Variants in TENM2 observed in about 807,000 individuals in gnomAD.
TENM2 encodes teneurin-2.
A neutral mutation model predicts 245.2 loss-of-function variants in TENM2; 52 were observed. The observed-to-expected ratio is 0.21, with a 90% CI of 0.17 to 0.27. The LOEUF is 0.27. Ranked by LOEUF, TENM2 falls within the 10% of genes least tolerant of loss-of-function variation. TENM2 has a pLI of 1.00. For synonymous variants in TENM2, 1,363 were observed against 1,438.9 expected (o/e 0.95, Z 1.19); for missense variants, 3,046 against 3,666.8 (o/e 0.83, Z 4.37).
At chr5:167,801,638 A>G (rs1410549783) in intron 2 of TENM2, among the ~76,000 whole-genome samples, 1 of 152,134 alleles carries the variant, frequency 6.6e-6, no homozygotes, top group Non-Finnish European at 1.5e-5. Context: ...CAAGGAAGCA[A>G]GAGTGAAGGA....
chr5:167,660,777 A>C (rs1384118063), intron 2 of TENM2, among the ~76,000 whole-genome samples: 1 of 152,132 alleles, frequency 6.6e-6, no homozygotes. Flanking sequence ...AGGAAAGTAC[A>C]TTCTCCTGTC....
chr5:168,021,395 C>T (rs1265263695), intron 5 of TENM2, among the ~76,000 whole-genome samples: 3 of 152,214 alleles, frequency 2.0e-5, no homozygotes, highest in Non-Finnish European at 4.4e-5. Context: ...TGGAGTGACC[C>T]ATGGTGGCTG....
chr5:168,251,509 G>A (rs959798476), intron 27 of TENM2, among the ~76,000 whole-genome samples: 16 of 152,302 alleles, frequency 1.1e-4, no homozygotes, highest in African/African-American at 3.6e-4. Context: ...AGCCAAGGGA[G>A]AGAAGGAGCC....
At chr5:167,754,923 G>A (rs532346544) in intron 2 of TENM2, 15 of 1,228,176 alleles carry the variant, frequency 1.2e-5, no homozygotes, top group Non-Finnish European at 1.6e-5. Flanking sequence ...GGAGAGAGCA[G>A]ATATTGCCTA....
At chr5:167,539,008 A>G (rs752477770) in intron 2 of TENM2, among the ~76,000 whole-genome samples, 3 of 152,268 alleles carry the variant, frequency 2.0e-5, no homozygotes, top group East Asian at 1.9e-4. Flanking sequence ...CGATAATCTC[A>G]TCGTCATTAT....
intron 3 of TENM2, among the ~76,000 whole-genome samples, chr5:167,889,357 C>T (rs940106847): frequency 7.9e-5 from 12 of 152,160 alleles, no homozygotes; most frequent in Admixed American, 1.3e-4. Flanking sequence ...TGCCAGCTCC[C>T]CGAATAATTC....
chr5:168,111,364 G>C (rs1169916374), intron 9 of TENM2, among the ~76,000 whole-genome samples: 2 of 152,046 alleles, frequency 1.3e-5, no homozygotes, highest in African/African-American at 4.8e-5. Flanking sequence ...CTCTTCACGG[G>C]GGTCCTGCCG....
chr5:167,248,690 C>T, the TENM2 span, among the ~76,000 whole-genome samples: 1 of 151,934 alleles, frequency 6.6e-6, no homozygotes, highest in Non-Finnish European at 1.5e-5. Flanking sequence ...CATTGGCGGA[C>T]TTAGCTGAAC....
At chr5:168,092,090 G>T (rs17069821) in intron 8 of TENM2, among the ~76,000 whole-genome samples, 1 of 151,938 alleles carries the variant, frequency 6.6e-6, no homozygotes, top group Non-Finnish European at 1.5e-5. Flanking sequence ...CTTTTCTATT[G>T]GTCCCATGGA....
chr5:167,525,692 A>G (rs1417848949), intron 2 of TENM2, among the ~76,000 whole-genome samples: 2 of 152,138 alleles, frequency 1.3e-5, no homozygotes, highest in African/African-American at 2.4e-5. Context: ...CTCACCAGGT[A>G]TCCATTTTTA....
At chr5:168,051,660 G>T (rs905039824) in intron 6 of TENM2, among the ~76,000 whole-genome samples, 1 of 152,114 alleles carries the variant, frequency 6.6e-6, no homozygotes, top group Admixed American at 6.5e-5. Flanking sequence ...CTATAATATA[G>T]GATTTTGGAG....
chr5:167,970,080 C>T (rs1781663826), intron 4 of TENM2, among the ~76,000 whole-genome samples: 1 of 152,222 alleles, frequency 6.6e-6, no homozygotes, highest in African/African-American at 2.4e-5. Flanking sequence ...ATGATTTTCT[C>T]CTCCAGGCAG....
intron 9 of TENM2, among the ~76,000 whole-genome samples, chr5:168,099,863 T>C (rs1793666826): frequency 6.6e-6 from 1 of 152,226 alleles, no homozygotes; most frequent in South Asian, 2.1e-4. Context: ...GCATCTCTTC[T>C]GTCACACAGT....
chr5:167,755,645 G>C (rs1019518231), intron 2 of TENM2, among the ~76,000 whole-genome samples: 1 of 152,068 alleles, frequency 6.6e-6, no homozygotes, highest in Non-Finnish European at 1.5e-5. Flanking sequence ...TAATGAAAAC[G>C]TGGGATTGGC....
At chr5:167,824,215 C>T (rs1407297225) in intron 2 of TENM2, among the ~76,000 whole-genome samples, 4 of 152,198 alleles carry the variant, frequency 2.6e-5, no homozygotes, top group Non-Finnish European at 5.9e-5. Flanking sequence ...CTTTTAATCC[C>T]TGCCTATGTG....
the TENM2 span, among the ~76,000 whole-genome samples, chr5:167,246,748 A>AG: frequency 2.0e-5 from 3 of 151,942 alleles, no homozygotes; most frequent in African/African-American, 7.2e-5. Context: ...TTTATATGTT[A>AG]GGGGGTAGTT....
At chr5:168,211,902 G>A in intron 20 of TENM2, 148 bp downstream of exon 22, 2 of 541,068 alleles carry the variant, frequency 3.7e-6, no homozygotes, top group East Asian at 3.2e-5. Flanking sequence ...TGTGTGTTGT[G>A]GATATGATAA....
the TENM2 span, among the ~76,000 whole-genome samples, chr5:167,154,784 A>G: frequency 6.6e-6 from 1 of 152,214 alleles, no homozygotes; most frequent in East Asian, 1.9e-4. Context: ...AATTTAAAAA[A>G]TGGGAAAAAT....
intron 4 of TENM2, among the ~76,000 whole-genome samples, chr5:167,979,507 G>T (rs916522340): frequency 6.6e-6 from 1 of 152,176 alleles, no homozygotes; most frequent in Non-Finnish European, 1.5e-5. Context: ...GGTGATTCGT[G>T]TGAAGTAATG....
Sources: gnomAD v4.1 joint callset for allele counts (sites outside exome capture counted in the v4.1 genomes callset) on GRCh38, gnomAD v4.1.1 for gene constraint, MANE v1.5 for transcripts, NCBI Gene and HGNC (gene_info 2026-07-23, HGNC 2026-07-21) for gene names.